Variants in COL13A1 observed in about 807,000 individuals in gnomAD.
The protein encoded by COL13A1 is collagen alpha-1(XIII) chain.
Under a neutral mutation model 130.9 loss-of-function variants are expected in COL13A1, and 89 were observed. That is an observed-to-expected ratio of 0.68 (90% CI 0.57 to 0.81). COL13A1 has a LOEUF of 0.81. Ranked by LOEUF, COL13A1 falls within the 30% of genes least tolerant of loss-of-function variation. The probability of loss-of-function intolerance (pLI) is 0.00; values close to 1 mark genes in which losing one functional copy is unlikely to be tolerated. For synonymous variants in COL13A1, 402 were observed against 341.6 expected, an observed-to-expected ratio of 1.18 and a Z score of -1.95; for missense variants, 879 against 934.6, an observed-to-expected ratio of 0.94 and a Z score of 0.78.
intron 2 of COL13A1, among the ~76,000 whole-genome samples, chr10:69,835,920 C>G (rs1849926496): frequency 6.6e-6 from 1 of 152,252 alleles, no homozygotes; most frequent in Non-Finnish European, 1.5e-5. Flanking sequence ...CTCATAATTA[C>G]TTTATGTGGC....
chr10:69,889,888 C>T lies in COL13A1; in HGVS notation c.603+448C>T, dbSNP rs141042749. ...GAGCCACCCCAGGACTCCAGGGGTT[C>T]CTGCCCCACTGGGGCTGGTGGTGCC... On this transcript the variant is annotated intron_variant, in intron 10 of 40. Coordinates refer to ENST00000645393, the MANE Select transcript of COL13A1 (RefSeq NM_001368882.1). 3.9e-3 allele frequency among the ~76,000 whole-genome samples: 593 copies of T among 152,306 alleles called. 1 individual carries two copies. Among genetic ancestry groups the T allele is most frequent in the Middle Eastern group, 0.017 (5 of 294 alleles).
intron 1 of COL13A1, among the ~76,000 whole-genome samples, chr10:69,810,028 T>G (rs1219278506): frequency 6.6e-6 from 1 of 152,242 alleles, no homozygotes; most frequent in African/African-American, 2.4e-5. Context: ...TCTACCTTAC[T>G]GTATACTGTC....
chr10:69,839,402 C>T (rs1471175281), intron 2 of COL13A1, among the ~76,000 whole-genome samples: 1 of 152,072 alleles, frequency 6.6e-6, no homozygotes, highest in Non-Finnish European at 1.5e-5. Flanking sequence ...GGATTCCCCC[C>T]ACGGCCCACT....
intron 32 of COL13A1, 78 bp downstream of exon 32, chr10:69,935,469 T>G: frequency 9.2e-7 from 1 of 1,083,070 alleles, no homozygotes; most frequent in East Asian, 2.9e-5. Context: ...AACCTCAGCC[T>G]TAGTCACTAT....
In COL13A1 at chr10:69,828,983, C is replaced by T. The variant is rs1235873451; in HGVS notation, c.364+6545C>T. 2.0e-5 allele frequency among the ~76,000 whole-genome samples: 3 copies of T among 152,174 alleles called. No homozygotes were observed. In the East Asian group the frequency reaches 5.8e-4, roughly 29 times the overall value. ...TTGTGGGTTTCCAGCCAGGGAGAGC[C>T]TTCCCACCTACAAACCACACTGGGC... On this transcript the variant is annotated intron_variant, in intron 2 of 40. Transcript: ENST00000645393.
chr10:69,813,494 A>G (rs889667909), intron 1 of COL13A1, among the ~76,000 whole-genome samples: 1 of 152,128 alleles, frequency 6.6e-6, no homozygotes, highest in African/African-American at 2.4e-5. Context: ...GCAGAGGGAG[A>G]CAGAGGCAGT....
chr10:69,872,305 G>A (rs1035685091), intron 4 of COL13A1, 95 bp downstream of exon 4: 1 of 1,381,038 alleles, frequency 7.2e-7, no homozygotes, highest in Admixed American at 1.9e-5. Context: ...TTTTTCTCCA[G>A]GTGTATCTGG....
At chr10:69,907,997 C>G (rs2062967393) in intron 17 of COL13A1, among the ~76,000 whole-genome samples, 1 of 152,224 alleles carries the variant, frequency 6.6e-6, no homozygotes, top group Admixed American at 6.5e-5. Context: ...CTGGAGCTCT[C>G]CAAAGTCTCC....
intron 13 of COL13A1, chr10:69,897,561 C>A: frequency 6.2e-7 from 1 of 1,610,206 alleles, no homozygotes; most frequent in Non-Finnish European, 8.5e-7. Context: ...TCTCCGGGCC[C>A]CTCTCCACTG....
At chr10:69,905,044 G>C in intron 16 of COL13A1, 85 bp downstream of exon 16, 1 of 1,457,270 alleles carries the variant, frequency 6.9e-7, no homozygotes, top group Non-Finnish European at 9.3e-7. Context: ...AGGTGACTGA[G>C]GCAGGAGCAG....
At chr10:69,923,885 A>G (rs1335426050) in intron 24 of COL13A1, 30 bp downstream of exon 24, 2 of 1,606,418 alleles carry the variant, frequency 1.2e-6, no homozygotes, top group Admixed American at 3.4e-5. Context: ...CCAGAGCTGC[A>G]AGATGAGGGT....
intron 4 of COL13A1, 54 bp from the exon 5 acceptor site, chr10:69,875,074 C>T (rs1005144393): frequency 3.1e-6 from 5 of 1,612,840 alleles, no homozygotes; most frequent in Non-Finnish European, 4.2e-6. Flanking sequence ...GGGTCCTTCA[C>T]ATGCTAGCCT....
At chr10:69,928,014 T>C (rs1407712370) in intron 27 of COL13A1, among the ~76,000 whole-genome samples, 1 of 152,104 alleles carries the variant, frequency 6.6e-6, no homozygotes, top group Non-Finnish European at 1.5e-5. Flanking sequence ...TAGCCAGGCA[T>C]GGTGGCGGGT....
chr10:69,894,422 C>A (rs781690945), intron 10 of COL13A1, 130 bp from the exon 11 acceptor site: 3 of 1,020,352 alleles, frequency 2.9e-6, no homozygotes, highest in Non-Finnish European at 4.4e-6. Context: ...ATGTGGTGGG[C>A]ATGGGAAGAC....
chr10:69,841,353 C>T (rs193194397), intron 2 of COL13A1, among the ~76,000 whole-genome samples: 14 of 152,280 alleles, frequency 9.2e-5, no homozygotes, highest in Non-Finnish European at 1.9e-4. Context: ...ATAAACCTAT[C>T]CCACTGCATC....
At chr10:69,878,144 TCCC>T in intron 6 of COL13A1, 79 bp downstream of exon 6, 1 of 693,266 alleles carries the variant, frequency 1.4e-6, no homozygotes, top group Non-Finnish European at 2.6e-6. Context: ...CTCTCAGCCC[TCCC>T]CCCCATGAAA....
At chr10:69,938,874 C>T (rs2067271745) in intron 34 of COL13A1, among the ~76,000 whole-genome samples, 1 of 152,134 alleles carries the variant, frequency 6.6e-6, no homozygotes, top group African/African-American at 2.4e-5. Context: ...TGATTAAGTG[C>T]TCCTTACTAT....
At chr10:69,894,437 C>T in intron 10 of COL13A1, 115 bp from the exon 11 acceptor site, 7 of 1,243,924 alleles carry the variant, frequency 5.6e-6, no homozygotes, top group Non-Finnish European at 8.0e-6. Flanking sequence ...GAAGACCTGG[C>T]CATGGCTGGT....
chr10:69,948,681 T>C (rs2068914424), intron 38 of COL13A1, among the ~76,000 whole-genome samples: 1 of 152,244 alleles, frequency 6.6e-6, no homozygotes, highest in African/African-American at 2.4e-5. Flanking sequence ...ATTCAATTAG[T>C]ATTTTCTAAA....
Sources: allele counts gnomAD v4.1 joint callset (sites outside exome capture counted in the v4.1 genomes callset), GRCh38; gene constraint gnomAD v4.1.1; transcripts MANE v1.5; gene names NCBI Gene and HGNC (gene_info 2026-07-23, HGNC 2026-07-21).